Variants in CECR2 observed in about 807,000 individuals in gnomAD.
CECR2 encodes the protein chromatin remodeling regulator CECR2.
A neutral mutation model predicts 154.5 loss-of-function variants in CECR2; 30 were observed. That is an observed-to-expected ratio of 0.19 (90% CI 0.15 to 0.26). The LOEUF (loss-of-function observed/expected upper bound fraction) is 0.26. Among genes scored for constraint, CECR2 ranks in the 10% least tolerant of loss-of-function variants. CECR2 has a pLI of 1.00. For synonymous variants in CECR2, 725 were observed against 683.7 expected (o/e 1.06, Z -0.94); for missense variants, 1,743 against 1,829.3 (o/e 0.95, Z 0.86).
intron 1 of CECR2, among the ~76,000 whole-genome samples, chr22:17,397,489 TAA>T (rs1225716909): frequency 6.6e-6 from 1 of 152,096 alleles, no homozygotes; most frequent in African/African-American, 2.4e-5. Context: ...ACCCTACGTA[TAA>T]ACACAAATTA....
Position 17,548,640 on chromosome 22 carries a change from C to A in CECR2, c.3353C>A (p.Pro1118Gln). The stretch of plus-strand genomic sequence containing the variant: ...GGAGGCACTGTGAGCCAGTTTCCCC[C>A]GCTGTATATGCCTGGCCTAGAGTAC... ...LTGGTVSQFP[P>Q]LYMPGLEYPN... Residue 1118 changes from proline to glutamine, a missense_variant, in exon 17 of 19, where the codon CCG becomes CAG. Coordinates refer to ENST00000262608, the MANE Select transcript of CECR2 (RefSeq NM_001290047.2). 2 of 1,612,926 alleles carry A rather than the reference C, an allele frequency of 1.2e-6. No individual in the cohort carries two copies. Among genetic ancestry groups the A allele is most frequent in the South Asian group, 1.1e-5 (1 of 90,828 alleles).
At chr22:17,443,803 G>C (rs1188642474) in intron 1 of CECR2, among the ~76,000 whole-genome samples, 4 of 152,106 alleles carry the variant, frequency 2.6e-5, no homozygotes, top group Admixed American at 6.6e-5. Context: ...AGGGGTGTCA[G>C]CTCTTAAGAT....
intron 1 of CECR2, among the ~76,000 whole-genome samples, chr22:17,411,056 T>G (rs1229309342): frequency 2.0e-5 from 3 of 152,206 alleles, no homozygotes; most frequent in African/African-American, 7.2e-5. Flanking sequence ...ATTTTCTCAT[T>G]GTTTCATATT....
At chr22:17,425,030 C>T (rs886901504) in intron 1 of CECR2, among the ~76,000 whole-genome samples, 1 of 152,172 alleles carries the variant, frequency 6.6e-6, no homozygotes, top group Non-Finnish European at 1.5e-5. Context: ...TTTACAGTGT[C>T]TATTCTTGAA....
intron 4 of CECR2, among the ~76,000 whole-genome samples, chr22:17,500,208 CAAAAA>C (rs5844315): frequency 8.6e-5 from 10 of 115,994 alleles, no homozygotes; most frequent in Admixed American, 1.8e-4. Context: ...GAGACTCCAT[CAAAAA>C]AAAAAAAAAA....
chr22:17,511,675 T>G lies in CECR2; in HGVS notation c.871-138T>G. Reference sequence around the variant, plus strand: ...ACACAGCTGAGCAGTGGTTCCTGATTGTCCTAAGGAAGCCTTTGGCCCTAA... The same window carrying G: ...ACACAGCTGAGCAGTGGTTCCTGATGGTCCTAAGGAAGCCTTTGGCCCTAA... On this transcript the variant is annotated intron_variant, in intron 7 of 18. Coordinates refer to ENST00000262608, the MANE Select transcript of CECR2 (RefSeq NM_001290047.2). 4 of 574,568 alleles carry G rather than the reference T, an allele frequency of 7.0e-6. No individual in the cohort carries two copies. The South Asian group carries it at 8.6e-5, about 12-fold the overall frequency. 35.6% of individuals were successfully genotyped at this position (574,568 alleles called of 1,614,324 possible). A position where few individuals can be genotyped will look rare whatever the true frequency, so the allele number is the denominator to read the frequency against.
intron 1 of CECR2, among the ~76,000 whole-genome samples, chr22:17,403,124 T>TA (rs2053922593): frequency 6.6e-6 from 1 of 152,194 alleles, no homozygotes. Flanking sequence ...CTTAAGTCTG[T>TA]TGTCATCAGC....
At chr22:17,484,538 T>C (rs571717385) in intron 2 of CECR2, among the ~76,000 whole-genome samples, 6 of 152,074 alleles carry the variant, frequency 3.9e-5, no homozygotes, top group Admixed American at 6.6e-5. Context: ...TAATTTTTTT[T>C]CCCCACCATT....
rs144679375 is a variant in CECR2, at chr22:17,453,183, C to T, written c.127-24405C>T. Among the ~76,000 whole-genome samples, 110 of 152,234 alleles carry T rather than the reference C, an allele frequency of 7.2e-4. 1 individual carries two copies. The East Asian group carries it at 0.019, about 26-fold the overall frequency. ...TGGGCCGGTCACAGTGACTTACGCC[C>T]GTAGTCCCAGAACTTTGGGAGGCCG... On this transcript the variant is annotated intron_variant, in intron 1 of 18. Coordinates refer to ENST00000262608, the MANE Select transcript of CECR2 (RefSeq NM_001290047.2).
At position 17,407,950 on chromosome 22, in the gene CECR2, C is replaced by T. The variant is rs187125719; in HGVS notation, c.126+38041C>T. 5.9e-5 allele frequency among the ~76,000 whole-genome samples: 9 copies of T among 152,182 alleles called. No individual in the cohort carries two copies. The East Asian group carries it at 1.4e-3, about 23-fold the overall frequency. On this transcript the variant is annotated intron_variant, in intron 1 of 18. Transcript: ENST00000262608. ...GAGTTTTCATTAGAACATGGGTGTC[C>T]GAAACTGTACCTTTGGTGACTAATA...
At chr22:17,546,095 T>C (rs2056609697) in intron 16 of CECR2, among the ~76,000 whole-genome samples, 1 of 152,102 alleles carries the variant, frequency 6.6e-6, no homozygotes, top group Non-Finnish European at 1.5e-5. Context: ...AAAAACCTTT[T>C]AGTATTTCTT....
chr22:17,387,941 G>GT (rs59212745), intron 1 of CECR2, among the ~76,000 whole-genome samples: 7,982 of 148,426 alleles, frequency 0.054, 292 homozygotes, highest in African/African-American at 0.11. Flanking sequence ...TAAGTTTTGA[G>GT]TTTTTTTTTT....
At chr22:17,491,876 TTAACCA>T (rs2055538734) in intron 2 of CECR2, among the ~76,000 whole-genome samples, 1 of 152,248 alleles carries the variant, frequency 6.6e-6, no homozygotes, top group African/African-American at 2.4e-5. Flanking sequence ...AGATTCTGCC[TTAACCA>T]TATTTTCCTT....
intron 1 of CECR2, among the ~76,000 whole-genome samples, chr22:17,398,061 C>CT (rs2053839048): frequency 6.6e-6 from 1 of 151,990 alleles, no homozygotes; most frequent in African/African-American, 2.4e-5. Flanking sequence ...TGAGGTCATG[C>CT]TTAAGCATTT....
At chr22:17,552,774 G>GGTTTTTTT in intron 18 of CECR2, 61 bp from the exon 19 acceptor site, 1 of 933,470 alleles carries the variant, frequency 1.1e-6, no homozygotes, top group Non-Finnish European at 1.5e-6. Flanking sequence ...GCTTACTTAA[G>GGTTTTTTT]TTTTTTTTTT....
In CECR2 at chr22:17,548,143, TGCAG is replaced by T; in HGVS notation, c.2861-4_2861-1del. ...TTTTTCTCCTCTTTTTTTTTTTTTT[TGCAG>T]CAGAGCCGTTGCCTGGCCTTGAAGA... On this transcript the variant is annotated splice_acceptor_variant and splice_polypyrimidine_tract_variant and intron_variant, in intron 16 of 18. Transcript: ENST00000262608. LOFTEE classifies it high-confidence loss of function. 3.4e-6 allele frequency: 5 copies of T among 1,462,542 alleles called. No individual in the cohort carries two copies. Among genetic ancestry groups the T allele is most frequent in the Middle Eastern group, 1.9e-4 (1 of 5,290 alleles). The allele number at this position is 1,462,542 out of a possible 1,614,324, so 90.6% of individuals were successfully genotyped here.
Position 17,504,962 on chromosome 22 carries a change from C to T in CECR2, c.816C>T (p.Tyr272=), listed in dbSNP as rs1400687721. Residue 272 remains tyrosine, a synonymous_variant, in exon 7 of 19, where the codon TAC becomes TAT. Coordinates refer to ENST00000262608, the MANE Select transcript of CECR2 (RefSeq NM_001290047.2). ...ERTSLRERQL[Y]KLLSEDFLPE... Reference sequence around the variant, plus strand: ...CCTCCCTTCGAGAACGGCAGCTCTACAAGCTCCTCAGTGAGGACTTCCTGC... The same window carrying T: ...CCTCCCTTCGAGAACGGCAGCTCTATAAGCTCCTCAGTGAGGACTTCCTGC... 6.2e-7 allele frequency: 1 copy of T among 1,613,832 alleles called. No homozygotes were observed.
intron 1 of CECR2, among the ~76,000 whole-genome samples, chr22:17,412,823 G>C (rs1040791962): frequency 6.6e-6 from 1 of 152,176 alleles, no homozygotes; most frequent in Admixed American, 6.5e-5. Flanking sequence ...GGCAGGCATC[G>C]TGCAGAGCCG....
chr22:17,505,534 C>CTTTTTTTTTTTTTTTTTTTTTTTTTT (rs11387639), intron 7 of CECR2, among the ~76,000 whole-genome samples: 1 of 98,838 alleles, frequency 1.0e-5, no homozygotes. Flanking sequence ...CCTCTTTTTC[C>CTTTTTTTTTTTTTTTTTTTTTTTTTT]TTTTTTTTTT....
Sources: allele counts gnomAD v4.1 joint callset (sites outside exome capture counted in the v4.1 genomes callset), GRCh38; gene constraint gnomAD v4.1.1; transcripts MANE v1.5; gene names NCBI Gene and HGNC (gene_info 2026-07-23, HGNC 2026-07-21).